RBM17: variants seen among roughly 807,000 people sequenced by gnomAD.
RBM17 encodes splicing factor 45.
In RBM17, 7 loss-of-function variants were observed where a neutral mutation model predicts 53.2. The observed-to-expected ratio is 0.13, with a 90% CI of 0.07 to 0.25. RBM17 has a LOEUF of 0.25. Ranked by LOEUF, RBM17 falls within the 10% of genes least tolerant of loss-of-function variation. RBM17 has a pLI of 1.00. For missense variants in RBM17, 257 were observed against 496.7 expected (o/e 0.52, Z 4.59); for synonymous variants, 167 against 178.1 (o/e 0.94, Z 0.50).
rs954319725 is a variant in RBM17, at chr10:6,095,222, C to CT, written c.-18-1816dup. ...CGGCATCCCTTCATTCTTTTCTTTT[C>CT]TTTTTTTTTTGGCGGAGTCTTTATC... On this transcript the variant is annotated intron_variant, in intron 1 of 11. Transcript: ENST00000379888. 3.7e-3 allele frequency among the ~76,000 whole-genome samples: 547 copies of CT among 147,548 alleles called. 6 individuals are homozygous for CT. The highest frequency in any genetic ancestry group is 0.012 in the African/African-American group (481 of 40,382).
intron 1 of RBM17, among the ~76,000 whole-genome samples, chr10:6,093,293 G>C (rs1840516771): frequency 6.6e-6 from 1 of 151,872 alleles, no homozygotes; most frequent in Non-Finnish European, 1.5e-5. Flanking sequence ...GGCTCACTGC[G>C]ACCTCCGCCT....
At chr10:6,091,003 A>T (rs898110847) in intron 1 of RBM17, among the ~76,000 whole-genome samples, 1 of 118,400 alleles carries the variant, frequency 8.4e-6, no homozygotes, top group Non-Finnish European at 1.8e-5. Context: ...GTATATAAAT[A>T]TATAAATATT....
At chr10:6,114,556 C>A in intron 10 of RBM17, 1 of 162,212 alleles carries the variant, frequency 6.2e-6, no homozygotes, top group Admixed American at 6.0e-5. Flanking sequence ...GTTGAAGAAA[C>A]ACATAAAATA....
intron 1 of RBM17, among the ~76,000 whole-genome samples, chr10:6,090,789 G>A (rs1190665301): frequency 6.6e-6 from 1 of 151,944 alleles, no homozygotes; most frequent in Non-Finnish European, 1.5e-5. Flanking sequence ...TGGCATTTTG[G>A]TAACAGCCAG....
At chr10:6,113,655 C>T (rs1178032834) in intron 9 of RBM17, 74 bp downstream of exon 9, 1 of 975,190 alleles carries the variant, frequency 1.0e-6, no homozygotes, top group Admixed American at 2.0e-5. Flanking sequence ...CCTGCTCCCC[C>T]TAAAAGTTAA....
intron 1 of RBM17, among the ~76,000 whole-genome samples, chr10:6,092,883 A>G (rs1446297358): frequency 6.6e-6 from 1 of 152,222 alleles, no homozygotes; most frequent in East Asian, 1.9e-4. Flanking sequence ...TGAGCATGAG[A>G]TTTGCTGCCT....
intron 1 of RBM17, among the ~76,000 whole-genome samples, chr10:6,094,979 A>G (rs1164469652): frequency 6.6e-6 from 1 of 152,172 alleles, no homozygotes; most frequent in African/African-American, 2.4e-5. Flanking sequence ...TGGAGTTCAG[A>G]GTTATTAAAC....
rs561983006 is a variant in RBM17, at chr10:6,103,398, T to C, written c.241-1533T>C. On this transcript the variant is annotated intron_variant, in intron 3 of 11. Transcript: ENST00000379888. Reference sequence around the variant, plus strand: ...ATAGCAGGGTTTATATGTAAAAGTTTTTTTCTTTGAAATTTTGAAGTGTCA... The same window carrying C: ...ATAGCAGGGTTTATATGTAAAAGTTCTTTTCTTTGAAATTTTGAAGTGTCA... Among the ~76,000 whole-genome samples, 7 of 152,336 alleles carry C rather than the reference T, an allele frequency of 4.6e-5. No homozygotes were observed. In the East Asian group the frequency reaches 1.3e-3, roughly 29 times the overall value.
intron 9 of RBM17, 159 bp from the exon 10 acceptor site, chr10:6,113,890 T>G (rs1840874537): frequency 3.0e-5 from 18 of 609,346 alleles, no homozygotes; most frequent in Non-Finnish European, 3.2e-5. Flanking sequence ...TTTTAGTGTT[T>G]TAAGAAATAC....
At chr10:6,093,927 C>G (rs541155143) in intron 1 of RBM17, among the ~76,000 whole-genome samples, 1 of 149,338 alleles carries the variant, frequency 6.7e-6, no homozygotes, top group East Asian at 2.0e-4. Flanking sequence ...AGATTTCACT[C>G]TGTTTTTGAC....
Position 6,112,077 on chromosome 10 carries a change from A to T in RBM17, c.705-133A>T. 1.3e-6 allele frequency: 1 copy of T among 775,224 alleles called. No homozygotes were observed. Among genetic ancestry groups the T allele is most frequent in the Non-Finnish European group, 2.1e-6 (1 of 483,558 alleles). 48.0% of individuals were successfully genotyped at this position (775,224 alleles called of 1,614,324 possible). On this transcript the variant is annotated intron_variant, in intron 7 of 11. Coordinates refer to ENST00000379888, the MANE Select transcript of RBM17 (RefSeq NM_032905.5). The surrounding 1 kb of genome is among the most constrained non-coding windows in gnomAD (Gnocchi z 4.4). ...TCCATCTAATAGCCCACTCCTAGTT[A>T]ATGAGTGACTTTGTTGAAGCCCCTG...
Position 6,110,116 on chromosome 10 carries a change from C to T in RBM17, c.693C>T (p.Leu231=), listed in dbSNP as rs1289787472. The T allele has an allele frequency of 7.5e-6, 12 of 1,608,894 alleles. No individual in the cohort carries two copies. Among genetic ancestry groups the T allele is most frequent in the East Asian group, 2.2e-5 (1 of 44,820 alleles). The part of the protein sequence containing the change: ...RSPTGPSNSF[L]ANMGGTVAHK... Reference sequence around the variant, plus strand: ...CAACCGGACCTAGCAACTCCTTCCTCGCTAACATGGGGTAATGATTTAATG... The same window carrying T: ...CAACCGGACCTAGCAACTCCTTCCTTGCTAACATGGGGTAATGATTTAATG... Residue 231 remains leucine (L), a synonymous_variant, in exon 7 of 12, where the codon CTC becomes CTT. Transcript: ENST00000379888.
At chr10:6,113,874 T>TA (rs1416972059) in intron 9 of RBM17, 175 bp from the exon 10 acceptor site, 2 of 598,466 alleles carry the variant, frequency 3.3e-6, no homozygotes, top group Non-Finnish European at 6.0e-6. Flanking sequence ...ACAGGCTTAA[T>TA]ATATGTTTTA....
At position 6,098,556 on chromosome 10, in the gene RBM17, G is replaced by GTTTTTTTTTTTTT. The variant is rs1221504658; in HGVS notation, c.123+1374_123+1375insTTTTTTTTTTTTT. On this transcript the variant is annotated intron_variant, in intron 2 of 11. Coordinates refer to ENST00000379888, the MANE Select transcript of RBM17 (RefSeq NM_032905.5). ...GTTTGAAAATTTCCGTAATACACAG[G>GTTTTTTTTTTTTT]TTTTTTGTTTTTTTTTTTTTTTTTT... is the stretch of plus-strand genomic sequence containing the variant. Among the ~76,000 whole-genome samples, 41 of 87,968 alleles carry GTTTTTTTTTTTTT rather than the reference G, an allele frequency of 4.7e-4. 13 individuals carry two copies. The highest frequency in any genetic ancestry group is 5.4e-4 in the Non-Finnish European group (24 of 44,340). 57.7% of individuals were successfully genotyped at this position (87,968 alleles called of 152,430 possible).
chr10:6,113,375 A>G (rs1840867905), intron 8 of RBM17, 133 bp from the exon 9 acceptor site: 2 of 639,618 alleles, frequency 3.1e-6, no homozygotes, highest in Non-Finnish European at 5.5e-6. Context: ...AATTGTGTAG[A>G]TGCCTAGGAC....
Position 6,110,004 on chromosome 10 carries a change from A to G in RBM17, c.581A>G (p.Tyr194Cys). The G allele has an allele frequency of 6.2e-7, 1 of 1,609,570 alleles. No homozygotes were observed. The highest frequency in any genetic ancestry group is 8.5e-7 in the Non-Finnish European group (1 of 1,177,544). The change falls in exon 7 of 12, where the codon TAT becomes TGT. Residue 194 changes from tyrosine to cysteine, a missense_variant. Tyr to Cys is a radical substitution (Grantham distance 194). Coordinates refer to ENST00000379888, the MANE Select transcript of RBM17 (RefSeq NM_032905.5). ...KDKELPRDFP[Y>C]EEDSRPRSQS... ...CCAATAGTACCCCGAGATTTTCCTT[A>G]TGAAGAGGACTCAAGACCTCGATCA...
chr10:6,110,377 A>T (rs1051681385), intron 7 of RBM17, among the ~76,000 whole-genome samples: 1 of 152,220 alleles, frequency 6.6e-6, no homozygotes, highest in African/African-American at 2.4e-5. Flanking sequence ...ACAGGCACAG[A>T]ACCTGATTAA....
rs1840726653 is a variant in RBM17, at chr10:6,104,985, G to A, written c.295G>A (p.Glu99Lys). The change falls in exon 4 of 12, where the codon GAA becomes AAA. Residue 99 changes from glutamate (E) to lysine (K), a missense_variant. Physicochemically the swap from Glu to Lys is moderately conservative, Grantham distance 56. Around this residue, in one of 6 missense-constraint regions of RBM17, gnomAD observed 127 missense variants for 217.2 expected, o/e 0.58. Coordinates refer to ENST00000379888, the MANE Select transcript of RBM17 (RefSeq NM_032905.5). ...GGAAGTTCTGATTCCCTTAGCTGAC[G>A]AATATGACCCTATGTTTCCTAATGA... ...AGEVLIPLAD[E>K]YDPMFPNDYE... 1.2e-6 allele frequency: 2 copies of A among 1,613,836 alleles called. No homozygotes were observed. The highest frequency in any genetic ancestry group is 3.3e-5 in the Admixed American group (2 of 60,002).
In RBM17 at chr10:6,105,244, G is replaced by T. The variant is rs80219535; in HGVS notation, c.407+147G>T. On this transcript the variant is annotated intron_variant, in intron 4 of 11. Coordinates refer to ENST00000379888, the MANE Select transcript of RBM17 (RefSeq NM_032905.5). ...ACTACAAGGAATCAAACTGTTTTAC[G>T]ATTTGTACCTGTTACATCTCAGAAT... 7.5e-3 allele frequency: 5,222 copies of T among 699,988 alleles called. 43 individuals carry two copies. Among genetic ancestry groups the T allele is most frequent in the Non-Finnish European group, 8.1e-3 (3,452 of 425,700 alleles). 43.4% of individuals were successfully genotyped at this position (699,988 alleles called of 1,614,324 possible).
Sources: gnomAD v4.1 joint callset for allele counts (sites outside exome capture counted in the v4.1 genomes callset) on GRCh38, gnomAD v4.1.1 for gene constraint, gnomAD v4.1.1 regional missense constraint, Gnocchi (gnomAD v3.1) non-coding constraint, MANE v1.5 for transcripts, NCBI Gene and HGNC (gene_info 2026-07-23, HGNC 2026-07-21) for gene names.